Variants in USP14 observed in about 807,000 individuals in gnomAD.
USP14 encodes the protein ubiquitin carboxyl-terminal hydrolase 14.
Under a neutral mutation model 76.5 loss-of-function variants are expected in USP14, and 38 were observed. The ratio of observed to expected loss-of-function variants is 0.50; its 90% CI spans 0.38 to 0.65. The LOEUF (loss-of-function observed/expected upper bound fraction) is 0.65. USP14 is among the 30% of genes least tolerant of loss of function. The pLI, the probability that USP14 is intolerant of heterozygous loss-of-function variation, is 0.00. For missense variants in USP14, 467 were observed against 586.5 expected (o/e 0.80, Z 2.10); for synonymous variants, 192 against 191.7 (o/e 1.00, Z -0.01).
intron 5 of USP14, among the ~76,000 whole-genome samples, chr18:183,622 G>A (rs773809163): frequency 1.3e-5 from 2 of 151,822 alleles, no homozygotes. Context: ...TGATTCATAC[G>A]TCTACTTTGT....
intron 14 of USP14, 28 bp from the exon 15 acceptor site, chr18:210,358 A>G (rs370481000): frequency 2.0e-5 from 30 of 1,496,286 alleles, no homozygotes; most frequent in Non-Finnish European, 2.6e-5. Context: ...TCATTGTCTA[A>G]TATTAATGGA....
intron 2 of USP14, among the ~76,000 whole-genome samples, chr18:166,014 T>C (rs1218104357): frequency 6.7e-6 from 1 of 149,640 alleles, no homozygotes; most frequent in Non-Finnish European, 1.5e-5. Context: ...AAAAAAAAAA[T>C]TCTTGATTTT....
intron 3 of USP14, among the ~76,000 whole-genome samples, chr18:178,166 T>C (rs1326784061): frequency 6.6e-6 from 1 of 152,110 alleles, no homozygotes. Flanking sequence ...ACTACAGGCA[T>C]GCACCCCTAT....
Position 213,995 on chromosome 18 carries a change from A to C in USP14, c.*2711A>C, listed in dbSNP as rs1027049803. ...ATAGATTAGATAGATAGATAGATAG[A>C]TAGATGATGATTGATTGATGATTGA... On this transcript the variant is annotated 3_prime_UTR_variant, in exon 16 of 16. Coordinates refer to ENST00000261601, the MANE Select transcript of USP14 (RefSeq NM_005151.4). 7.4e-4 allele frequency: 112 copies of C among 150,582 alleles called. 1 individual carries two copies. Among genetic ancestry groups the C allele is most frequent in the African/African-American group, 2.5e-3 (103 of 41,338 alleles). 9.3% of individuals were successfully genotyped at this position (150,582 alleles called of 1,614,324 possible).
chr18:173,273 A>G (rs1909521922), intron 3 of USP14, among the ~76,000 whole-genome samples: 1 of 149,346 alleles, frequency 6.7e-6, no homozygotes, highest in Non-Finnish European at 1.5e-5. Flanking sequence ...ACACCCGGCT[A>G]TTTTTTTTGT....
intron 14 of USP14, 23 bp downstream of exon 14, chr18:210,054 T>C (rs567389111): frequency 1.3e-6 from 2 of 1,565,686 alleles, no homozygotes; most frequent in African/African-American, 1.4e-5. Flanking sequence ...CTCATTTTAA[T>C]TGAGTTATTG....
At chr18:199,343 T>C (rs1006040536) in intron 10 of USP14, 27 bp downstream of exon 10, 1 of 1,520,922 alleles carries the variant, frequency 6.6e-7, no homozygotes, top group South Asian at 1.1e-5. Context: ...TCCATCCTTG[T>C]TGTTTGTGAA....
intron 13 of USP14, among the ~76,000 whole-genome samples, chr18:205,567 A>G (rs1277500476): frequency 6.6e-6 from 1 of 152,180 alleles, no homozygotes; most frequent in Non-Finnish European, 1.5e-5. Flanking sequence ...TTAGGCCAGG[A>G]GTTCGAGACT....
rs541143000 is a variant in USP14 at position 162,398 on chromosome 18, G to A, written c.17-910G>A. 7.1e-4 allele frequency among the ~76,000 whole-genome samples: 108 copies of A among 152,262 alleles called. 1 individual carries two copies. Among genetic ancestry groups the A allele is most frequent in the African/African-American group, 2.4e-3 (99 of 41,540 alleles). ...TTTTAAAAAGAATAGCCATTCTAAT[G>A]GCTGTGAAGTGGGATTTCTATATAT... On this transcript the variant is annotated intron_variant, in intron 1 of 15. Coordinates refer to ENST00000261601, the MANE Select transcript of USP14 (RefSeq NM_005151.4).
intron 5 of USP14, among the ~76,000 whole-genome samples, chr18:184,377 G>A (rs999769710): frequency 1.3e-5 from 2 of 152,154 alleles, no homozygotes; most frequent in African/African-American, 2.4e-5. Flanking sequence ...AACATTCCAC[G>A]AGAGGTGTTT....
At chr18:182,791 G>A (rs1909820800) in intron 5 of USP14, among the ~76,000 whole-genome samples, 1 of 152,162 alleles carries the variant, frequency 6.6e-6, no homozygotes, top group African/African-American at 2.4e-5. Flanking sequence ...AGAGTGGACT[G>A]GAGGAAAGAG....
At position 189,205 on chromosome 18, in the gene USP14, A is replaced by G. The variant is rs777358887; in HGVS notation, c.405-3637A>G. 2.6e-5 allele frequency among the ~76,000 whole-genome samples: 4 copies of G among 151,870 alleles called. No homozygotes were observed. The South Asian group carries it at 6.2e-4, about 24-fold the overall frequency. On this transcript the variant is annotated intron_variant, in intron 5 of 15. Coordinates refer to ENST00000261601, the MANE Select transcript of USP14 (RefSeq NM_005151.4). The stretch of plus-strand genomic sequence containing the variant: ...TATTTTAGTTTTCAAAGAATTGGCT[A>G]TTAGATTTGTTCATTCAATTTTTTG...
At chr18:202,538 C>T (rs1910411289) in intron 10 of USP14, among the ~76,000 whole-genome samples, 1 of 152,094 alleles carries the variant, frequency 6.6e-6, no homozygotes, top group South Asian at 2.1e-4. Flanking sequence ...AGTGAATATT[C>T]TGATAATAAA....
Position 213,765 on chromosome 18 carries a change from C to CTGTCT in USP14, c.*2483_*2487dup, listed in dbSNP as rs944174484. 1.3e-5 allele frequency: 2 copies of CTGTCT among 152,168 alleles called. No individual in the cohort carries two copies. Among genetic ancestry groups the CTGTCT allele is most frequent in the African/African-American group, 4.8e-5 (2 of 41,400 alleles). 9.4% of individuals were successfully genotyped at this position (152,168 alleles called of 1,614,324 possible). ...GTGGGAACAAGAAAAGTCGGTGGTA[C>CTGTCT]TGTCTTCTGCTACTACTACTTAGTG... On this transcript the variant is annotated 3_prime_UTR_variant, in exon 16 of 16. Coordinates refer to ENST00000261601, the MANE Select transcript of USP14 (RefSeq NM_005151.4).
chr18:182,149 A>G (rs887012511), intron 5 of USP14, among the ~76,000 whole-genome samples: 1 of 152,254 alleles, frequency 6.6e-6, no homozygotes, highest in Non-Finnish European at 1.5e-5. Flanking sequence ...ATCGTATGAA[A>G]GGAAAAGAGT....
rs374129074 is a variant in USP14 at position 208,713 on chromosome 18, G to A, written c.1165-1258G>A. ...GATTCTAGTTTGATGCCATTGTGGT[G>A]ACAGAACACACTTACTTGATTTAAA... On this transcript the variant is annotated intron_variant, in intron 13 of 15. Transcript: ENST00000261601. Among the ~76,000 whole-genome samples the A allele has an allele frequency of 8.5e-4, 130 of 152,164 alleles. 1 individual carries two copies. In the South Asian group the frequency reaches 0.027, roughly 31 times the overall value.
chr18:206,760 G>T (rs891391055), intron 13 of USP14, among the ~76,000 whole-genome samples: 2 of 152,242 alleles, frequency 1.3e-5, no homozygotes. Context: ...AATTAGCTGG[G>T]TATGGTGGTG....
At chr18:166,640 A>G in intron 2 of USP14, 147 bp from the exon 3 acceptor site, 1 of 999,018 alleles carries the variant, frequency 1.0e-6, no homozygotes, top group Non-Finnish European at 1.4e-6. Flanking sequence ...GCCAAAAAAA[A>G]TTTTTTTAAT....
chr18:197,701 T>C lies in USP14; in HGVS notation c.675+5T>C. On this transcript the variant is annotated splice_donor_5th_base_variant and intron_variant, in intron 8 of 15. Coordinates refer to ENST00000261601, the MANE Select transcript of USP14 (RefSeq NM_005151.4). ...GAGGATGATTCTGTTAAAGAGGTAA[T>C]TGAAATATATTTGTGATTATAGACT... The C allele has an allele frequency of 6.2e-7, 1 of 1,603,236 alleles. No individual in the cohort carries two copies. Among genetic ancestry groups the C allele is most frequent in the South Asian group, 1.1e-5 (1 of 90,120 alleles).
Sources: gnomAD v4.1 joint callset for allele counts (sites outside exome capture counted in the v4.1 genomes callset) on GRCh38, gnomAD v4.1.1 for gene constraint, MANE v1.5 for transcripts, NCBI Gene and HGNC (gene_info 2026-07-23, HGNC 2026-07-21) for gene names.